DDX46: variants seen among roughly 807,000 people sequenced by gnomAD.
The protein encoded by DDX46 is probable ATP-dependent RNA helicase DDX46.
In DDX46, 30 loss-of-function variants were observed where a neutral mutation model predicts 134.9. That is an observed-to-expected ratio of 0.22 (90% CI 0.17 to 0.30). DDX46 has a LOEUF of 0.30. DDX46 is among the 10% of genes least tolerant of loss of function. DDX46 has a pLI of 1.00. For synonymous variants in DDX46, 415 were observed against 404.1 expected (o/e 1.03, Z -0.32); for missense variants, 622 against 1,248.7 (o/e 0.50, Z 7.56).
chr5:134,819,797 A>T (rs764038014), intron 21 of DDX46, among the ~76,000 whole-genome samples: 3 of 151,964 alleles, frequency 2.0e-5, no homozygotes, highest in Non-Finnish European at 4.4e-5. Flanking sequence ...AGCCTCCCAA[A>T]GTGCTAGGAT....
At chr5:134,783,186 T>C in intron 9 of DDX46, 121 bp downstream of exon 9, 5 of 1,328,130 alleles carry the variant, frequency 3.8e-6, no homozygotes, top group Admixed American at 2.3e-5. Context: ...TAAAAAACTT[T>C]CATTGAGATA....
At chr5:134,815,058 A>G (rs1755248198) in intron 18 of DDX46, among the ~76,000 whole-genome samples, 1 of 152,156 alleles carries the variant, frequency 6.6e-6, no homozygotes, top group African/African-American at 2.4e-5. Context: ...ACCCTCCTAG[A>G]CAACACAGTG....
intron 15 of DDX46, chr5:134,804,805 T>G (rs981877849): frequency 1.2e-5 from 5 of 404,302 alleles, no homozygotes; most frequent in Non-Finnish European, 2.4e-5. Context: ...TGCTTGTGCC[T>G]TCAACACTTT....
chr5:134,811,604 CA>C (rs1755143449), intron 17 of DDX46, 91 bp from the exon 18 acceptor site: 2 of 1,374,910 alleles, frequency 1.5e-6, no homozygotes, highest in East Asian at 4.7e-5. Context: ...ATTACATTGA[CA>C]TACACCACCT....
chr5:134,813,089 G>A lies in DDX46; in HGVS notation c.2436+1244G>A, dbSNP rs537928676. Among the ~76,000 whole-genome samples the A allele has an allele frequency of 1.5e-3, 228 of 152,104 alleles. 1 individual carries two copies. The highest frequency in any genetic ancestry group is 3.9e-3 in the Admixed American group (59 of 15,266). ...CCCAAGTAACTGGAACGACAGGCACGCGCCACCATGCTTGGCTAATTTTTT... is the reference window on the plus strand; with the variant it reads ...CCCAAGTAACTGGAACGACAGGCACACGCCACCATGCTTGGCTAATTTTTT... On this transcript the variant is annotated intron_variant, in intron 18 of 22. Coordinates refer to ENST00000452510, the MANE Select transcript of DDX46 (RefSeq NM_001300860.2).
rs762350361 is a variant in DDX46 at position 134,781,156 on chromosome 5, AGTT to A, written c.792_794del (p.Val265del). On this transcript the variant is annotated inframe_deletion, in exon 7 of 23. Coordinates refer to ENST00000452510, the MANE Select transcript of DDX46 (RefSeq NM_001300860.2). ...AGAAGTCTGGGCCAACGGTCACAAA[AGTT>A]GTCACTGTTGTGACAACCAAAAAAG... 3 of 1,584,998 alleles carry A rather than the reference AGTT, an allele frequency of 1.9e-6. No homozygotes were observed. The highest frequency in any genetic ancestry group is 2.6e-6 in the Non-Finnish European group (3 of 1,173,110).
At chr5:134,782,830 G>C in intron 8 of DDX46, 115 bp from the exon 9 acceptor site, 2 of 1,337,404 alleles carry the variant, frequency 1.5e-6, no homozygotes, top group Non-Finnish European at 2.0e-6. Context: ...TTACAGGTGT[G>C]AGCCGCTGGG....
rs765640245 is a variant in DDX46, at chr5:134,766,932, A to G, written c.222A>G (p.Arg74=). ...DRKRLRRSRS[R]ERDRSRERRR... ...CCCCTTTCAGACGTTCCAGAAGTAG[A>G]GAGAGAGACAGAAGCCGAGAGCGAA... Residue 74 remains arginine (R), a synonymous_variant, in exon 3 of 23, where the codon AGA becomes AGG. Coordinates refer to ENST00000452510, the MANE Select transcript of DDX46 (RefSeq NM_001300860.2). The G allele has an allele frequency of 3.7e-6, 6 of 1,613,508 alleles. No individual in the cohort carries two copies. The South Asian group carries it at 4.4e-5, about 12-fold the overall frequency.
At chr5:134,817,240 T>G in intron 19 of DDX46, 1 of 403,780 alleles carries the variant, frequency 2.5e-6, no homozygotes, top group Non-Finnish European at 4.4e-6. Context: ...AATTATCAAC[T>G]ACATCTCTAT....
chr5:134,759,035 C>T (rs368787023), intron 1 of DDX46, 80 bp downstream of exon 1: 10 of 1,579,178 alleles, frequency 6.3e-6, no homozygotes, highest in East Asian at 2.2e-5. Flanking sequence ...AGGTGGCCGC[C>T]GGGCCAGGCC....
chr5:134,806,547 A>T (rs1450322763), intron 15 of DDX46, among the ~76,000 whole-genome samples: 1 of 152,170 alleles, frequency 6.6e-6, no homozygotes, highest in Non-Finnish European at 1.5e-5. Context: ...ATTGATATTG[A>T]TTTCATTAAA....
chr5:134,811,478 C>G (rs1755140234), intron 17 of DDX46, 120 bp downstream of exon 17: 1 of 1,346,672 alleles, frequency 7.4e-7, no homozygotes, highest in Admixed American at 2.6e-5. Flanking sequence ...ATTTTTATTT[C>G]TCTCTAGAGG....
At chr5:134,767,290 A>G (rs1255562120) in intron 3 of DDX46, among the ~76,000 whole-genome samples, 1 of 152,188 alleles carries the variant, frequency 6.6e-6, no homozygotes, top group East Asian at 1.9e-4. Flanking sequence ...ATTCTTACTT[A>G]ATACATAACT....
Position 134,780,094 on chromosome 5 carries a change from AT to A in DDX46, c.766-1038del, listed in dbSNP as rs1293948833. On this transcript the variant is annotated intron_variant, in intron 6 of 22. Transcript: ENST00000452510. ...CAGAATAAGACTCAGTCTGAAAAAA[AT>A]ATATGTGTGTGTGTGTGTGTGTGTG... is the stretch of plus-strand genomic sequence containing the variant. Among the ~76,000 whole-genome samples the A allele has an allele frequency of 4.0e-5, 5 of 124,324 alleles. 1 individual carries two copies. The highest frequency in any genetic ancestry group is 7.2e-5 in the African/African-American group (2 of 27,884). 81.6% of individuals were successfully genotyped at this position (124,324 alleles called of 152,430 possible).
At chr5:134,764,528 C>T (rs1457888323) in intron 2 of DDX46, among the ~76,000 whole-genome samples, 1 of 152,090 alleles carries the variant, frequency 6.6e-6, no homozygotes, top group African/African-American at 2.4e-5. Context: ...TGTGATCCTC[C>T]CACCTTGGCC....
chr5:134,788,384 G>C (rs1754405008), intron 11 of DDX46, 129 bp from the exon 12 acceptor site: 1 of 646,280 alleles, frequency 1.5e-6, no homozygotes, highest in African/African-American at 1.8e-5. Flanking sequence ...GTAGTGCCCC[G>C]AGATTCAAAA....
chr5:134,780,077 G>A (rs1222698191), intron 6 of DDX46, among the ~76,000 whole-genome samples: 1 of 148,710 alleles, frequency 6.7e-6, no homozygotes, highest in Non-Finnish European at 1.5e-5. Context: ...GACAGAATAA[G>A]ACTCAGTCTG....
chr5:134,795,125 C>T (rs957064750), intron 14 of DDX46, 111 bp downstream of exon 14: 13 of 1,226,188 alleles, frequency 1.1e-5, no homozygotes, highest in South Asian at 8.7e-5. Flanking sequence ...AAAATCAAGT[C>T]GTATACCACT....
rs1754141753 is a variant in DDX46, at chr5:134,781,147, G to A, written c.780G>A (p.Thr260=). The change falls in exon 7 of 23, where the codon ACG becomes ACA. Residue 260 remains threonine (T), a synonymous_variant. Coordinates refer to ENST00000452510, the MANE Select transcript of DDX46 (RefSeq NM_001300860.2). Reference sequence around the variant, plus strand: ...CTTTATTTTAGAAGTCTGGGCCAACGGTCACAAAAGTTGTCACTGTTGTGA... The same window carrying A: ...CTTTATTTTAGAAGTCTGGGCCAACAGTCACAAAAGTTGTCACTGTTGTGA... ...GGGNEKKSGP[T]VTKVVTVVTT... is the part of the protein sequence containing the mutation. 1 of 1,578,626 alleles carries A rather than the reference G, an allele frequency of 6.3e-7. No individual in the cohort carries two copies. Among genetic ancestry groups the A allele is most frequent in the Non-Finnish European group, 8.5e-7 (1 of 1,171,210 alleles).
Sources: allele counts gnomAD v4.1 joint callset (sites outside exome capture counted in the v4.1 genomes callset), GRCh38; gene constraint gnomAD v4.1.1; transcripts MANE v1.5; gene names NCBI Gene and HGNC (gene_info 2026-07-23, HGNC 2026-07-21).